The following ATXN7L3 variants were observed in gnomAD, a reference collection of about 807,000 sequenced individuals.
ATXN7L3 encodes ataxin-7-like protein 3.
In ATXN7L3, 6 loss-of-function variants were observed where a neutral mutation model predicts 50.0. The ratio of observed to expected loss-of-function variants is 0.12; its 90% CI spans 0.07 to 0.24. The LOEUF (loss-of-function observed/expected upper bound fraction) is 0.24. ATXN7L3 is among the 10% of genes least tolerant of loss of function. The probability of loss-of-function intolerance (pLI) is 1.00; values close to 1 mark genes in which losing one functional copy is unlikely to be tolerated. For missense variants in ATXN7L3, 322 were observed against 451.3 expected (o/e 0.71, Z 2.60); for synonymous variants, 198 against 165.8 (o/e 1.19, Z -1.49).
At position 44,192,162 on chromosome 17, in the gene ATXN7L3, G is replaced by C. The variant is rs994908153; in HGVS notation, c.*2101C>G. ...AACCCACACAGCCTGCTGTTAGAGG[G>C]AGGGGAGTGGGGAGCTCCTAGCCCC... On this transcript the variant is annotated 3_prime_UTR_variant, in exon 13 of 13. Transcript: ENST00000587097. The C allele has an allele frequency of 2.0e-5, 3 of 152,126 alleles. No homozygotes were observed. Among genetic ancestry groups the C allele is most frequent in the African/African-American group, 7.3e-5 (3 of 41,330 alleles). 9.4% of individuals were successfully genotyped at this position (152,126 alleles called of 1,614,324 possible). A position where few individuals can be genotyped will look rare whatever the true frequency, so the allele number is the denominator to read the frequency against.
Position 44,195,144 on chromosome 17 carries a change from G to C in ATXN7L3, c.622-4C>G. ...GTTCAGAAATCACCCCACATTGCTG[G>C]AAGAGGAATATAAGCTGAAAGGAGG... is the stretch of plus-strand genomic sequence containing the variant. On this transcript the variant is annotated splice_polypyrimidine_tract_variant and splice_region_variant and intron_variant, in intron 9 of 12. Transcript: ENST00000587097. 4 of 1,613,846 alleles carry C rather than the reference G, an allele frequency of 2.5e-6. No homozygotes were observed. The South Asian group carries it at 4.4e-5, about 18-fold the overall frequency.
At chr17:44,196,859 C>A in intron 5 of ATXN7L3, 70 bp downstream of exon 5, 1 of 1,052,984 alleles carries the variant, frequency 9.5e-7, no homozygotes, top group Non-Finnish European at 1.5e-6. Context: ...AATTTGTGAC[C>A]ACTGTATACC....
At chr17:44,196,195 C>CTA in intron 6 of ATXN7L3, 116 bp from the exon 7 acceptor site, 1 of 1,340,464 alleles carries the variant, frequency 7.5e-7, no homozygotes, top group Non-Finnish European at 1.1e-6. Flanking sequence ...ACTCTTCCTC[C>CTA]CCAGTAGGAG....
In ATXN7L3 at chr17:44,197,994, G is replaced by T. The variant is rs2055983881; in HGVS notation, c.51+26C>A. On this transcript the variant is annotated intron_variant, in intron 2 of 12. Transcript: ENST00000587097. ...CGTAGAGACATCAAGAGAAAGAACT[G>T]GAGGCACACGTGGGGGAGCCCTCAC... is the stretch of plus-strand genomic sequence containing the variant. The T allele has an allele frequency of 3.7e-6, 6 of 1,608,798 alleles. No individual in the cohort carries two copies. The Admixed American group carries it at 1.0e-4, about 27-fold the overall frequency.
Position 44,197,588 on chromosome 17 carries a change from T to A in ATXN7L3, c.184+10A>T, listed in dbSNP as rs776085581. On this transcript the variant is annotated intron_variant, in intron 3 of 12. Coordinates refer to ENST00000587097, the MANE Select transcript of ATXN7L3 (RefSeq NM_001382309.1). ...GGGCTGGACTGCTGCTCCTTCACCC[T>A]GAAGCTCACCAAAATCCTTCATGCT... is the stretch of plus-strand genomic sequence containing the variant. The A allele has an allele frequency of 6.2e-7, 1 of 1,614,214 alleles. No homozygotes were observed. Among genetic ancestry groups the A allele is most frequent in the South Asian group, 1.1e-5 (1 of 91,088 alleles).
rs1289651372 is a variant in ATXN7L3 at position 44,198,075 on chromosome 17, A to C, written c.-5T>G. The C allele has an allele frequency of 1.9e-6, 3 of 1,614,004 alleles. No homozygotes were observed. The highest frequency in any genetic ancestry group is 2.5e-6 in the Non-Finnish European group (3 of 1,179,976). ...AGACATTTCCTCCATTTTCATTTGTAAACTCTTGTGGAGACGGCGCTCTGA... is the reference window on the plus strand; with the variant it reads ...AGACATTTCCTCCATTTTCATTTGTCAACTCTTGTGGAGACGGCGCTCTGA... On this transcript the variant is annotated 5_prime_UTR_variant, in exon 2 of 13. Coordinates refer to ENST00000587097, the MANE Select transcript of ATXN7L3 (RefSeq NM_001382309.1).
chr17:44,197,472 C>A lies in ATXN7L3; in HGVS notation c.185-73G>T, dbSNP rs73316169. On this transcript the variant is annotated intron_variant, in intron 3 of 12. Transcript: ENST00000587097. Reference sequence around the variant, plus strand: ...CTTGTTCCCACCTGGGGTCCCACGGCCTCTTCAATCCCTCCCCCGGCTCAC... The same window carrying A: ...CTTGTTCCCACCTGGGGTCCCACGGACTCTTCAATCCCTCCCCCGGCTCAC... 3.6e-3 allele frequency: 5,595 copies of A among 1,573,116 alleles called. 182 individuals carry two copies. In the African/African-American group the frequency reaches 0.067, roughly 19 times the overall value.
At chr17:44,197,755 CG>C in intron 2 of ATXN7L3, 25 bp from the exon 3 acceptor site, 1 of 1,614,186 alleles carries the variant, frequency 6.2e-7, no homozygotes, top group Non-Finnish European at 8.5e-7. Context: ...AGAACATCTA[CG>C]GTCACAAGAG....
chr17:44,196,231 C>CCCCCCCCCAG, intron 6 of ATXN7L3, 152 bp from the exon 7 acceptor site: 1 of 792,744 alleles, frequency 1.3e-6, no homozygotes, highest in Non-Finnish European at 2.0e-6. Context: ...TGCCCTCCCC[C>CCCCCCCCCAG]ACCCCCCTTC....
Position 44,194,580 on chromosome 17 carries a change from A to T in ATXN7L3, c.832T>A (p.Ser278Thr), listed in dbSNP as rs2055814850. 6.2e-7 allele frequency: 1 copy of T among 1,613,886 alleles called. No homozygotes were observed. The highest frequency in any genetic ancestry group is 1.7e-5 in the Admixed American group (1 of 59,988). Residue 278 changes from serine to threonine, a missense_variant, in exon 12 of 13, where the codon TCT becomes ACT. By Grantham distance (58) the Ser-to-Thr change is moderately conservative. Around this residue, in one of 5 missense-constraint regions of ATXN7L3, gnomAD observed 122 missense variants for 130.8 expected, o/e 0.93. Coordinates refer to ENST00000587097, the MANE Select transcript of ATXN7L3 (RefSeq NM_001382309.1). Reference protein sequence around the residue: ...LISRLQWDGSSDLSPSDSGSS... With the variant: ...LISRLQWDGSTDLSPSDSGSS... ...CCTGAATCAGAGGGTGAGAGGTCAG[A>T]GGAGCCGTCCCACTGAAGCCGGCTG...
intron 8 of ATXN7L3, 64 bp downstream of exon 8, chr17:44,195,736 C>G (rs2055862380): frequency 6.5e-7 from 1 of 1,527,552 alleles, no homozygotes; most frequent in Admixed American, 1.7e-5. Context: ...CCCTACTTGT[C>G]CAAATCCCCA....
rs2055675527 is a variant in ATXN7L3, at chr17:44,191,999, C to G, written c.*2264G>C. 1.3e-5 allele frequency: 2 copies of G among 154,218 alleles called. No individual in the cohort carries two copies. The highest frequency in any genetic ancestry group is 3.9e-4 in the East Asian group (2 of 5,188). 9.6% of individuals were successfully genotyped at this position (154,218 alleles called of 1,614,324 possible). A position where few individuals can be genotyped will look rare whatever the true frequency, so the allele number is the denominator to read the frequency against. ...TGCGGTAATGCCAGGCGGGTGGCCC[C>G]TGGGCATGCGGGGGGGAGTGATGCA... is the stretch of plus-strand genomic sequence containing the variant. On this transcript the variant is annotated 3_prime_UTR_variant, in exon 13 of 13. Coordinates refer to ENST00000587097, the MANE Select transcript of ATXN7L3 (RefSeq NM_001382309.1).
chr17:44,198,169 G>C, intron 1 of ATXN7L3, 39 bp from the exon 2 acceptor site: 1 of 1,229,650 alleles, frequency 8.1e-7, no homozygotes, highest in South Asian at 1.3e-5. Context: ...GTGAGTCCAA[G>C]GCACCTCTGA....
At chr17:44,196,493 C>A (rs1429497373) in intron 5 of ATXN7L3, 75 bp from the exon 6 acceptor site, 2 of 1,598,544 alleles carry the variant, frequency 1.3e-6, no homozygotes, top group African/African-American at 1.3e-5. Flanking sequence ...GAAAACCATA[C>A]AACAGGCTGG....
Position 44,193,088 on chromosome 17 carries a change from C to T in ATXN7L3, c.*1175G>A, listed in dbSNP as rs1415586160. 7.9e-5 allele frequency: 12 copies of T among 152,314 alleles called. No individual in the cohort carries two copies. Among genetic ancestry groups the T allele is most frequent in the Admixed American group, 7.9e-4 (12 of 15,276 alleles). 9.4% of individuals were successfully genotyped at this position (152,314 alleles called of 1,614,324 possible). On this transcript the variant is annotated 3_prime_UTR_variant, in exon 13 of 13. Coordinates refer to ENST00000587097, the MANE Select transcript of ATXN7L3 (RefSeq NM_001382309.1). ...ACAGAGGGGCAGTGACACCCCTTCC[C>T]CTCCACTGACAACCTGGGGCACAGA...
At chr17:44,195,051 G>A (rs755036520) in intron 10 of ATXN7L3, 46 bp downstream of exon 10, 1 of 1,603,012 alleles carries the variant, frequency 6.2e-7, no homozygotes, top group Admixed American at 1.7e-5. Flanking sequence ...TGCCCATGGT[G>A]AGTGTGCAGG....
chr17:44,193,253 C>A lies in ATXN7L3; in HGVS notation c.*1010G>T, dbSNP rs1164155916. ...AGGGAAACAGGGCACGCTTTGGAGG[C>A]AGGAGCGCTGAGAGGAACTGAAGCC... is the stretch of plus-strand genomic sequence containing the variant. On this transcript the variant is annotated 3_prime_UTR_variant, in exon 13 of 13. Coordinates refer to ENST00000587097, the MANE Select transcript of ATXN7L3 (RefSeq NM_001382309.1). The A allele has an allele frequency of 6.6e-6, 1 of 152,356 alleles. No individual in the cohort carries two copies. The highest frequency in any genetic ancestry group is 1.5e-5 in the Non-Finnish European group (1 of 68,168). The allele number at this position is 152,356 out of a possible 1,614,324, so 9.4% of individuals were successfully genotyped here.
rs2055790317 is a variant in ATXN7L3, at chr17:44,194,028, T to TTATGTCCAAGGCATAA, written c.*219_*234dup. 9.2e-6 allele frequency: 5 copies of TTATGTCCAAGGCATAA among 541,770 alleles called. No homozygotes were observed. The highest frequency in any genetic ancestry group is 1.6e-5 in the Non-Finnish European group (5 of 311,158). 33.6% of individuals were successfully genotyped at this position (541,770 alleles called of 1,614,324 possible). A position where few individuals can be genotyped will look rare whatever the true frequency, so the allele number is the denominator to read the frequency against. On this transcript the variant is annotated 3_prime_UTR_variant, in exon 13 of 13. Transcript: ENST00000587097. Reference sequence around the variant, plus strand: ...TAGGAAAACCGCCTCCCCACCAAACTTATGTCCAAGGCATAATATGTCCAG... The same window carrying TTATGTCCAAGGCATAA: ...TAGGAAAACCGCCTCCCCACCAAACTTATGTCCAAGGCATAATATGTCCAAGGCATAATATGTCCAG...
At chr17:44,196,895 A>G in intron 5 of ATXN7L3, 34 bp downstream of exon 5, 1 of 1,533,284 alleles carries the variant, frequency 6.5e-7, no homozygotes, top group Non-Finnish European at 9.0e-7. Flanking sequence ...ACCTCATCCC[A>G]ATGCCCCCCG....
Sources: gnomAD v4.1 joint callset for allele counts on GRCh38, gnomAD v4.1.1 for gene constraint, gnomAD v4.1.1 regional missense constraint, MANE v1.5 for transcripts, NCBI Gene and HGNC (gene_info 2026-07-23, HGNC 2026-07-21) for gene names.